The following PPM1F variants were observed in gnomAD, a reference collection of about 807,000 sequenced individuals.
The protein encoded by PPM1F is protein phosphatase 1F.
A neutral mutation model predicts 35.5 loss-of-function variants in PPM1F; 17 were observed. The ratio of observed to expected loss-of-function variants is 0.48; its 90% CI spans 0.33 to 0.72. The LOEUF is 0.72. Ranked by LOEUF, PPM1F falls within the 30% of genes least tolerant of loss-of-function variation. PPM1F has a pLI of 0.02. For synonymous variants in PPM1F, 241 were observed against 255.5 expected, an observed-to-expected ratio of 0.94 and a Z score of 0.54; for missense variants, 521 against 613.0, an observed-to-expected ratio of 0.85 and a Z score of 1.59.
chr22:21,923,120 G>C lies in PPM1F; in HGVS notation c.1337C>G (p.Pro446Arg). The C allele has an allele frequency of 1.9e-6, 3 of 1,611,520 alleles. No individual in the cohort carries two copies. The highest frequency in any genetic ancestry group is 2.5e-6 in the Non-Finnish European group (3 of 1,178,876). ...RQDLPSSLPEPETQAPPRS is the reference protein window; with the variant it reads ...RQDLPSSLPERETQAPPRS ...GCTTCTTGGTGGAGCCTGGGTCTCAGGTTCTGGAAGGCTGGAGGGCAAGTC... is the reference window on the plus strand; with the variant it reads ...GCTTCTTGGTGGAGCCTGGGTCTCACGTTCTGGAAGGCTGGAGGGCAAGTC... The change falls in exon 8 of 8, where the codon CCT becomes CGT. Residue 446 changes from proline to arginine, a missense_variant. By Grantham distance (103) the Pro-to-Arg change is moderately radical. Transcript: ENST00000263212.
At chr22:21,942,563 G>A (rs1342758675) in intron 2 of PPM1F, 2 of 152,260 alleles carry the variant, frequency 1.3e-5, no homozygotes, top group African/African-American at 4.8e-5. Flanking sequence ...CCAACTGCTG[G>A]GTTTTCCTTT....
intron 3 of PPM1F, chr22:21,938,620 G>T: frequency 9.7e-7 from 1 of 1,028,480 alleles, no homozygotes. Flanking sequence ...GAAAGGAAAT[G>T]GCCGACAGGA....
intron 3 of PPM1F, chr22:21,937,924 A>T: frequency 2.5e-6 from 1 of 404,302 alleles, no homozygotes; most frequent in Non-Finnish European, 4.1e-6. Context: ...GGTTTCAGCC[A>T]CTCGCTGCTC....
intron 7 of PPM1F, among the ~76,000 whole-genome samples, chr22:21,924,477 G>T (rs2070487038): frequency 6.6e-6 from 1 of 152,118 alleles, no homozygotes; most frequent in Admixed American, 6.5e-5. Context: ...CACCATGTTG[G>T]TCAGGCTGGT....
Position 21,939,441 on chromosome 22 carries a change from G to C in PPM1F, c.355+91C>G. ...GTGAGCGAGGGCCCCAGCACCCTTA[G>C]GGACCCCAATCAATGGGCTTCCCAC... is the stretch of plus-strand genomic sequence containing the variant. On this transcript the variant is annotated intron_variant, in intron 3 of 7. Transcript: ENST00000263212. This position sits in a 1 kb window ranked among gnomAD's most constrained non-coding sequence, Gnocchi z 5.1. 9.7e-6 allele frequency: 15 copies of C among 1,540,716 alleles called. No homozygotes were observed. The highest frequency in any genetic ancestry group is 1.3e-5 in the Non-Finnish European group (15 of 1,133,580).
intron 2 of PPM1F, chr22:21,941,302 A>T (rs2070723011): frequency 6.6e-6 from 1 of 152,518 alleles, no homozygotes; most frequent in South Asian, 2.1e-4. Flanking sequence ...GGCTGGCAAG[A>T]AGGGGACGAC....
rs540383530 is a variant in PPM1F, at chr22:21,939,740, C to T, written c.207-60G>A. The T allele has an allele frequency of 6.5e-7, 1 of 1,538,776 alleles. No homozygotes were observed. Among genetic ancestry groups the T allele is most frequent in the East Asian group, 2.4e-5 (1 of 40,824 alleles). On this transcript the variant is annotated intron_variant, in intron 2 of 7. Transcript: ENST00000263212. This position sits in a 1 kb window ranked among gnomAD's most constrained non-coding sequence, Gnocchi z 5.1. ...CCAGCAGGAGACCACACCTAGCCCC[C>T]CTTCCCCAACTGTCAGCCCACATGC...
At chr22:21,930,464 AG>A (rs570100235) in intron 6 of PPM1F, among the ~76,000 whole-genome samples, 160 of 152,360 alleles carry the variant, frequency 1.1e-3, no homozygotes, top group East Asian at 2.1e-3. Flanking sequence ...CTCACCCACA[AG>A]GGACTGCATG....
chr22:21,948,219 A>G (rs1036201305), intron 1 of PPM1F: 4 of 151,048 alleles, frequency 2.6e-5, no homozygotes, highest in African/African-American at 9.7e-5. Flanking sequence ...GCTCAGGTCT[A>G]TATCTCAGCG....
intron 6 of PPM1F, among the ~76,000 whole-genome samples, chr22:21,927,867 T>A (rs575165202): frequency 6.7e-6 from 1 of 150,064 alleles, no homozygotes; most frequent in Non-Finnish European, 1.5e-5. Context: ...GACTAACATA[T>A]CCCCAGGCTA....
At chr22:21,927,416 G>T (rs928377460) in intron 6 of PPM1F, among the ~76,000 whole-genome samples, 3 of 152,214 alleles carry the variant, frequency 2.0e-5, no homozygotes, top group Non-Finnish European at 4.4e-5. Context: ...AGCGTGGGAG[G>T]CTCCAGGGAG....
In PPM1F at chr22:21,921,873, T is replaced by C. The variant is rs2070451513; in HGVS notation, c.*1219A>G. On this transcript the variant is annotated 3_prime_UTR_variant, in exon 8 of 8. Coordinates refer to ENST00000263212, the MANE Select transcript of PPM1F (RefSeq NM_014634.4). ...CCAGCCAGGCCCAAGGGGGTGGGAA[T>C]GCAGGCAGATGGGCCAAGGTCACCC... The C allele has an allele frequency of 6.6e-6, 1 of 152,218 alleles. No individual in the cohort carries two copies. Among genetic ancestry groups the C allele is most frequent in the Admixed American group, 6.5e-5 (1 of 15,278 alleles). The allele number at this position is 152,218 out of a possible 1,614,324, so 9.4% of individuals were successfully genotyped here.
Position 21,923,287 on chromosome 22 carries a change from G to C in PPM1F, c.1170C>G (p.Ala390=). ...CCCGGGCCGCAGCCACCAGCTCCTC[G>C]GCGACACGGAGCCCGCTGCCCTGCT... The part of the protein sequence containing the change: ...TRQQGSGLRV[A]EELVAAARER... Residue 390 remains alanine (A), a synonymous_variant, in exon 8 of 8, where the codon GCC becomes GCG. Transcript: ENST00000263212. The C allele has an allele frequency of 6.2e-7, 1 of 1,613,428 alleles. No individual in the cohort carries two copies. The highest frequency in any genetic ancestry group is 1.1e-5 in the South Asian group (1 of 91,064).
chr22:21,946,921 C>G (rs2070782771), intron 1 of PPM1F: 1 of 152,192 alleles, frequency 6.6e-6, no homozygotes, highest in South Asian at 2.1e-4. Flanking sequence ...CCAGAGCTGA[C>G]CAGCCCTGGG....
chr22:21,923,078 G>T lies in PPM1F; in HGVS notation c.*14C>A. On this transcript the variant is annotated 3_prime_UTR_variant, in exon 8 of 8. Coordinates refer to ENST00000263212, the MANE Select transcript of PPM1F (RefSeq NM_014634.4). ...AGGATGGGAGGAAGGGGAGGGCAGG[G>T]GCCTGGAAACCACCTAGCTTCTTGG... The T allele has an allele frequency of 6.3e-7, 1 of 1,584,440 alleles. No individual in the cohort carries two copies. Among genetic ancestry groups the T allele is most frequent in the Non-Finnish European group, 8.6e-7 (1 of 1,166,098 alleles).
intron 2 of PPM1F, 181 bp downstream of exon 2, chr22:21,945,662 G>A (rs1343193413): frequency 3.4e-6 from 2 of 592,766 alleles, no homozygotes; most frequent in East Asian, 3.1e-5. Context: ...GCTGTGTTGA[G>A]TGCCCAGTGT....
chr22:21,926,829 A>G (rs1454336866), intron 6 of PPM1F, among the ~76,000 whole-genome samples: 2 of 152,176 alleles, frequency 1.3e-5, no homozygotes, highest in African/African-American at 4.8e-5. Flanking sequence ...GGTGTCCCCT[A>G]GACAGATTGG....
At chr22:21,951,919 G>A (rs921930965) in intron 1 of PPM1F, 1 of 152,232 alleles carries the variant, frequency 6.6e-6, no homozygotes, top group Admixed American at 6.5e-5. Flanking sequence ...AGCGAAATTT[G>A]ACAACAGAAG....
intron 6 of PPM1F, among the ~76,000 whole-genome samples, chr22:21,930,477 T>C (rs1196927648): frequency 1.3e-5 from 2 of 152,202 alleles, no homozygotes; most frequent in Admixed American, 6.5e-5. Context: ...GACTGCATGA[T>C]GAATGCAATG....
Sources: allele counts gnomAD v4.1 joint callset (sites outside exome capture counted in the v4.1 genomes callset), GRCh38; gene constraint gnomAD v4.1.1; non-coding constraint Gnocchi (gnomAD v3.1); transcripts MANE v1.5; gene names NCBI Gene and HGNC (gene_info 2026-07-23, HGNC 2026-07-21).